Variants in PAM observed in about 807,000 individuals in gnomAD.
PAM encodes the protein peptidylglycine alpha-amidating monooxygenase, also known as peptidyl-glycine alpha-amidating monooxygenase.
Under a neutral mutation model 122.1 loss-of-function variants are expected in PAM, and 72 were observed. The ratio of observed to expected loss-of-function variants is 0.59; its 90% CI spans 0.49 to 0.72. PAM has a LOEUF of 0.72. PAM is among the 30% of genes least tolerant of loss of function. The pLI, the probability that PAM is intolerant of heterozygous loss-of-function variation, is 0.00. For missense variants in PAM, 1,106 were observed against 1,183.7 expected (o/e 0.93, Z 0.96); for synonymous variants, 389 against 404.4 (o/e 0.96, Z 0.46).
intron 15 of PAM, 50 bp from the exon 16 acceptor site, chr5:102,990,222 G>A (rs752324841): frequency 7.2e-7 from 1 of 1,396,302 alleles, no homozygotes; most frequent in Non-Finnish European, 9.5e-7. Context: ...ATCCTCATGA[G>A]GCAATTCGAC....
intron 9 of PAM, among the ~76,000 whole-genome samples, chr5:102,948,707 T>C (rs1757794976): frequency 6.6e-6 from 1 of 152,044 alleles, no homozygotes; most frequent in Admixed American, 6.6e-5. Flanking sequence ...AAAGAATAAA[T>C]CTTGAGTATT....
rs966202183 is a variant in PAM, at chr5:102,950,647, C to T, written c.802-70C>T. 4 of 930,108 alleles carry T rather than the reference C, an allele frequency of 4.3e-6. No individual in the cohort carries two copies. In the Admixed American group the frequency reaches 7.2e-5, roughly 17 times the overall value. 57.6% of individuals were successfully genotyped at this position (930,108 alleles called of 1,614,324 possible). A position where few individuals can be genotyped will look rare whatever the true frequency, so the allele number is the denominator to read the frequency against. On this transcript the variant is annotated intron_variant, in intron 11 of 25. Coordinates refer to ENST00000438793, the MANE Select transcript of PAM (RefSeq NM_001177306.2). The stretch of plus-strand genomic sequence containing the variant: ...GGGGTAAAGGAGGAACATACCTCAA[C>T]ACAGTCAAACATGTAGTTCTGGATT...
intron 3 of PAM, among the ~76,000 whole-genome samples, chr5:102,891,140 G>T (rs1002402718): frequency 6.6e-6 from 1 of 151,848 alleles, no homozygotes; most frequent in African/African-American, 2.4e-5. Context: ...TCATGAAACA[G>T]AACAAAATTC....
chr5:102,955,766 A>C (rs992886461), intron 12 of PAM, among the ~76,000 whole-genome samples: 73 of 152,066 alleles, frequency 4.8e-4, no homozygotes, highest in African/African-American at 1.7e-3. Context: ...TCATGTTCAT[A>C]AATCACTCAG....
chr5:102,760,247 A>G (rs1279513526), intron 1 of PAM, among the ~76,000 whole-genome samples: 3 of 152,216 alleles, frequency 2.0e-5, no homozygotes, highest in African/African-American at 4.8e-5. Flanking sequence ...CAGATCATCA[A>G]GTATCTGCTT....
At chr5:103,007,416 T>G (rs1376127428) in intron 19 of PAM, 41 bp from the exon 20 acceptor site, 2 of 1,553,268 alleles carry the variant, frequency 1.3e-6, no homozygotes, top group Non-Finnish European at 1.8e-6. Flanking sequence ...CTTTGGGTGA[T>G]TTTTAACATT....
At chr5:102,899,744 T>C (rs1298643221) in intron 3 of PAM, among the ~76,000 whole-genome samples, 1 of 151,644 alleles carries the variant, frequency 6.6e-6, no homozygotes, top group African/African-American at 2.4e-5. Context: ...GTAGTTACTA[T>C]TGCAGTAGGG....
intron 15 of PAM, among the ~76,000 whole-genome samples, chr5:102,976,837 T>A (rs997392129): frequency 6.6e-6 from 1 of 152,168 alleles, no homozygotes; most frequent in Non-Finnish European, 1.5e-5. Flanking sequence ...TGGACTTGAT[T>A]ATTTCCAATG....
At chr5:102,764,024 TG>T (rs987923674) in intron 1 of PAM, among the ~76,000 whole-genome samples, 1 of 152,148 alleles carries the variant, frequency 6.6e-6, no homozygotes, top group Non-Finnish European at 1.5e-5. Context: ...AGTCTGGTGG[TG>T]GATACTGGGA....
chr5:102,811,914 A>G (rs1408517333), intron 1 of PAM, among the ~76,000 whole-genome samples: 2 of 152,220 alleles, frequency 1.3e-5, no homozygotes, highest in South Asian at 2.1e-4. Flanking sequence ...AAGTGACACT[A>G]TTCTTAGTTT....
Position 102,867,316 on chromosome 5 carries a change from A to C in PAM, c.133A>C (p.Thr45Pro). Residue 45 changes from threonine (T) to proline (P), a missense_variant, in exon 3 of 26, where the codon ACC (threonine) becomes CCC (proline). This residue lies in a region of PAM where 670 missense variants were observed against 690.3 expected (regional missense o/e 0.97). Transcript: ENST00000438793. ...TRPFSNECLGTTRPVVPIDSS... is the reference protein window; with the variant it reads ...TRPFSNECLGPTRPVVPIDSS... ...ACCATTTTCCAATGAATGTCTTGGTACCACCAGACCCGTAGTTCCTATTGA... is the reference window on the plus strand; with the variant it reads ...ACCATTTTCCAATGAATGTCTTGGTCCCACCAGACCCGTAGTTCCTATTGA... 1 of 1,599,582 alleles carries C rather than the reference A, an allele frequency of 6.3e-7. No individual in the cohort carries two copies. Among genetic ancestry groups the C allele is most frequent in the Non-Finnish European group, 8.6e-7 (1 of 1,166,862 alleles).
chr5:103,022,532 G>A (rs947977693), intron 23 of PAM, among the ~76,000 whole-genome samples: 9 of 152,260 alleles, frequency 5.9e-5, no homozygotes, highest in South Asian at 4.1e-4. Context: ...AAGAAAAACT[G>A]TCATACATCA....
chr5:102,985,814 C>T (rs914820809), intron 15 of PAM, among the ~76,000 whole-genome samples: 7 of 152,152 alleles, frequency 4.6e-5, no homozygotes, highest in African/African-American at 1.7e-4. Context: ...AAGCCAGTAT[C>T]TCTGATGAAC....
chr5:102,818,164 T>C (rs1362018567), intron 1 of PAM, among the ~76,000 whole-genome samples: 2 of 147,394 alleles, frequency 1.4e-5, no homozygotes, highest in Non-Finnish European at 3.0e-5. Context: ...AACATATTGT[T>C]TTCTTATTAA....
chr5:102,913,323 C>T lies in PAM; in HGVS notation c.269-611C>T, dbSNP rs1802013214. Among the ~76,000 whole-genome samples, 4 of 151,946 alleles carry T rather than the reference C, an allele frequency of 2.6e-5. No individual in the cohort carries two copies. The South Asian group carries it at 8.3e-4, about 31-fold the overall frequency. ...GAAAACGAGAAATGTCATTCCATAA[C>T]TTCTAATATCTTTTAACAAGTATAC... On this transcript the variant is annotated intron_variant, in intron 4 of 25. Transcript: ENST00000438793.
At chr5:103,017,468 C>T in intron 22 of PAM, 35 bp downstream of exon 22, 3 of 1,308,328 alleles carry the variant, frequency 2.3e-6, no homozygotes, top group Non-Finnish European at 3.3e-6. Context: ...TCACATTTTC[C>T]CTCAGTTTGA....
intron 1 of PAM, among the ~76,000 whole-genome samples, chr5:102,763,878 G>A (rs905555904): frequency 4.6e-5 from 7 of 152,254 alleles, no homozygotes; most frequent in South Asian, 4.1e-4. Context: ...GTTTTAGGTC[G>A]GAGCTGGGGA....
At chr5:102,824,271 G>A (rs1055823247) in intron 1 of PAM, among the ~76,000 whole-genome samples, 2 of 152,194 alleles carry the variant, frequency 1.3e-5, no homozygotes, top group Non-Finnish European at 1.5e-5. Context: ...AAATTCCGTG[G>A]CGAGGAGGGT....
chr5:102,900,087 C>A (rs552837408), intron 3 of PAM, among the ~76,000 whole-genome samples: 1 of 151,432 alleles, frequency 6.6e-6, no homozygotes, highest in African/African-American at 2.4e-5. Flanking sequence ...TCTGAAGTAA[C>A]TGCTCTAAGA....
Sources: gnomAD v4.1 joint callset for allele counts (sites outside exome capture counted in the v4.1 genomes callset) on GRCh38, gnomAD v4.1.1 for gene constraint, gnomAD v4.1.1 regional missense constraint, MANE v1.5 for transcripts, NCBI Gene and HGNC (gene_info 2026-07-23, HGNC 2026-07-21) for gene names.